The following NSUN2 variants were observed in gnomAD, a reference collection of about 807,000 sequenced individuals.
NSUN2 encodes NOP2/Sun RNA methyltransferase 2.
Under a neutral mutation model 92.7 loss-of-function variants are expected in NSUN2, and 63 were observed. The observed-to-expected ratio is 0.68, with a 90% CI of 0.56 to 0.84. The LOEUF is 0.84. Among genes scored for constraint, NSUN2 ranks in the 40% least tolerant of loss-of-function variants. NSUN2 has a pLI of 0.00. For missense variants in NSUN2, 989 were observed against 964.9 expected (o/e 1.02, Z -0.33); for synonymous variants, 356 against 348.3 (o/e 1.02, Z -0.25).
At chr5:6,605,810 G>C (rs1736745018) in intron 14 of NSUN2, among the ~76,000 whole-genome samples, 1 of 151,306 alleles carries the variant, frequency 6.6e-6, no homozygotes, top group Non-Finnish European at 1.5e-5. Context: ...CGGTTCTCCT[G>C]CCTCAGCCTG....
intron 2 of NSUN2, among the ~76,000 whole-genome samples, chr5:6,632,211 A>AC (rs3217324): frequency 1.7e-4 from 26 of 151,588 alleles, no homozygotes; most frequent in African/African-American, 5.8e-4. Context: ...TCCTACCGTT[A>AC]AGTTTTACTT....
chr5:6,607,490 T>C (rs1736825047), intron 12 of NSUN2, 106 bp from the exon 13 acceptor site: 1 of 955,682 alleles, frequency 1.0e-6, no homozygotes, highest in Non-Finnish European at 1.6e-6. Context: ...TATATTTTTC[T>C]ACAGCATTAT....
At chr5:6,607,846 GAGAA>G (rs1300488025) in intron 12 of NSUN2, among the ~76,000 whole-genome samples, 4 of 152,232 alleles carry the variant, frequency 2.6e-5, no homozygotes, top group Non-Finnish European at 4.4e-5. Flanking sequence ...CAGGAACTGG[GAGAA>G]AGAGAGAGTG....
At chr5:6,618,167 T>C in intron 7 of NSUN2, 143 bp from the exon 8 acceptor site, 1 of 592,504 alleles carries the variant, frequency 1.7e-6, no homozygotes, top group Non-Finnish European at 3.0e-6. Flanking sequence ...CCAACTGCAA[T>C]CTGCTTTCAG....
At chr5:6,601,656 C>T (rs1736563198) in intron 18 of NSUN2, among the ~76,000 whole-genome samples, 1 of 152,156 alleles carries the variant, frequency 6.6e-6, no homozygotes, top group African/African-American at 2.4e-5. Flanking sequence ...TTGCACCTGC[C>T]TCAGGATCTG....
chr5:6,628,405 T>A (rs533189217), intron 3 of NSUN2, among the ~76,000 whole-genome samples: 2 of 152,200 alleles, frequency 1.3e-5, no homozygotes, highest in South Asian at 4.1e-4. Context: ...TCTGAACAAT[T>A]GGTTGTCAAA....
chr5:6,630,171 G>A (rs1737819523), intron 3 of NSUN2, among the ~76,000 whole-genome samples: 1 of 152,152 alleles, frequency 6.6e-6, no homozygotes, highest in Admixed American at 6.5e-5. Context: ...ATAACTAGAG[G>A]CTGAAAAACA....
chr5:6,613,914 T>C (rs893718355), intron 9 of NSUN2, among the ~76,000 whole-genome samples: 11 of 151,948 alleles, frequency 7.2e-5, no homozygotes, highest in African/African-American at 2.4e-4. Flanking sequence ...CTGGCCAACA[T>C]GGTGAAACCC....
At chr5:6,609,801 T>C (rs1252375515) in intron 12 of NSUN2, 25 bp downstream of exon 12, 4 of 1,566,840 alleles carry the variant, frequency 2.6e-6, no homozygotes, top group Non-Finnish European at 2.6e-6. Context: ...AAATGTTATG[T>C]CATTTTGGAA....
chr5:6,616,119 A>G (rs974998854), intron 9 of NSUN2, among the ~76,000 whole-genome samples: 45 of 152,330 alleles, frequency 3.0e-4, no homozygotes, highest in African/African-American at 1.0e-3. Flanking sequence ...CAGAATTACT[A>G]TATGATCATA....
In NSUN2 at chr5:6,633,024, C is replaced by A; in HGVS notation, c.-45G>T. The A allele has an allele frequency of 2.1e-6, 3 of 1,407,600 alleles. No homozygotes were observed. The highest frequency in any genetic ancestry group is 1.8e-6 in the Non-Finnish European group (2 of 1,089,880). 87.2% of individuals were successfully genotyped at this position (1,407,600 alleles called of 1,614,324 possible). A position where few individuals can be genotyped will look rare whatever the true frequency, so the allele number is the denominator to read the frequency against. On this transcript the variant is annotated 5_prime_UTR_variant, in exon 1 of 19. Transcript: ENST00000264670. ...GCAGCACGCAGAAACCGGCCCGCCA[C>A]GGCCAGAACTCTAGCCCTACACCTC... is the stretch of plus-strand genomic sequence containing the variant.
chr5:6,604,178 T>C lies in NSUN2; in HGVS notation c.1917A>G (p.Arg639=), dbSNP rs1202044717. 2 of 1,613,950 alleles carry C rather than the reference T, an allele frequency of 1.2e-6. No homozygotes were observed. The highest frequency in any genetic ancestry group is 1.7e-5 in the Admixed American group (1 of 60,004). Reference sequence around the variant, plus strand: ...GACTGTAGGTCTCACTGCTGAGTTTTCTAAAAAAGGGATTTTCCTGGGTCA... The same window carrying C: ...GACTGTAGGTCTCACTGCTGAGTTTCCTAAAAAAGGGATTTTCCTGGGTCA... ...ILLTQENPFF[R]KLSSETYSQA... Residue 639 remains arginine (R), a synonymous_variant, in exon 17 of 19, where the codon AGA becomes AGG. Transcript: ENST00000264670.
chr5:6,603,953 T>C (rs1736655297), intron 17 of NSUN2, 185 bp downstream of exon 17: 8 of 565,600 alleles, frequency 1.4e-5, no homozygotes, highest in Non-Finnish European at 2.5e-5. Context: ...AACCCCAAGA[T>C]GCCTTTGACC....
At chr5:6,617,322 T>C (rs1281191260) in intron 8 of NSUN2, among the ~76,000 whole-genome samples, 1 of 152,226 alleles carries the variant, frequency 6.6e-6, no homozygotes, top group Non-Finnish European at 1.5e-5. Context: ...TAGTATTCTG[T>C]GGCTCAGGCA....
chr5:6,623,318 G>T, intron 4 of NSUN2, 33 bp from the exon 5 acceptor site: 2 of 1,385,834 alleles, frequency 1.4e-6, no homozygotes, highest in Non-Finnish European at 1.9e-6. Context: ...GCAACAATTA[G>T]GAAAAAAAAA....
intron 17 of NSUN2, 36 bp from the exon 18 acceptor site, chr5:6,602,536 C>T (rs767746400): frequency 6.2e-7 from 1 of 1,609,854 alleles, no homozygotes; most frequent in Non-Finnish European, 8.5e-7. Context: ...GCCAGGTTTT[C>T]CAGGTAGTGG....
At chr5:6,603,443 G>A (rs1249458728) in intron 17 of NSUN2, among the ~76,000 whole-genome samples, 1 of 152,226 alleles carries the variant, frequency 6.6e-6, no homozygotes, top group African/African-American at 2.4e-5. Context: ...TGTAATCCCA[G>A]CACTTTGGGA....
chr5:6,627,924 T>G (rs1172133678), intron 3 of NSUN2, among the ~76,000 whole-genome samples: 1 of 152,240 alleles, frequency 6.6e-6, no homozygotes, highest in African/African-American at 2.4e-5. Context: ...GAAAAAATCC[T>G]ATTTGGGCTT....
chr5:6,623,852 T>C (rs1051574933), intron 4 of NSUN2, among the ~76,000 whole-genome samples: 14 of 130,614 alleles, frequency 1.1e-4, no homozygotes, highest in African/African-American at 3.7e-4. Flanking sequence ...CCACACTCCC[T>C]GCCCTCTGTC....
Sources: allele counts gnomAD v4.1 joint callset (sites outside exome capture counted in the v4.1 genomes callset), GRCh38; gene constraint gnomAD v4.1.1; transcripts MANE v1.5; gene names NCBI Gene and HGNC (gene_info 2026-07-23, HGNC 2026-07-21).